The following CSMD1 variants were observed in gnomAD, a reference collection of about 807,000 sequenced individuals.
The protein encoded by CSMD1 is CUB and Sushi multiple domains 1.
A neutral mutation model predicts 417.5 loss-of-function variants in CSMD1; 213 were observed. The ratio of observed to expected loss-of-function variants is 0.51; its 90% confidence interval spans 0.46 to 0.57. CSMD1 has a LOEUF of 0.57. CSMD1 is among the 20% of genes least tolerant of loss of function. CSMD1 has a pLI of 0.00. For missense variants in CSMD1, 6,923 were observed against 4,529.7 expected (o/e 1.53, Z -15.17); for synonymous variants, 2,862 against 1,736.8 (o/e 1.65, Z -16.11).
chr8:4,713,137 C>G (rs1185826081), intron 1 of CSMD1, among the ~76,000 whole-genome samples: 1 of 152,164 alleles, frequency 6.6e-6, no homozygotes, highest in Admixed American at 6.5e-5. Flanking sequence ...CCACTAGGAC[C>G]TCTATTAAAA....
intron 10 of CSMD1, among the ~76,000 whole-genome samples, chr8:3,531,513 AAAG>A (rs570628185): frequency 1.1e-3 from 162 of 152,336 alleles, no homozygotes; most frequent in Non-Finnish European, 1.9e-3. Flanking sequence ...AGGGTAGCAT[AAAG>A]AAGAAGGCAG....
At chr8:4,383,003 A>G (rs1803203699) in intron 3 of CSMD1, among the ~76,000 whole-genome samples, 1 of 152,212 alleles carries the variant, frequency 6.6e-6, no homozygotes, top group African/African-American at 2.4e-5. Context: ...TCTGTATATC[A>G]GCGCCTTCAG....
At chr8:4,617,589 T>G (rs1292009359) in intron 2 of CSMD1, among the ~76,000 whole-genome samples, 1 of 152,152 alleles carries the variant, frequency 6.6e-6, no homozygotes, top group Non-Finnish European at 1.5e-5. Context: ...TGAGCAATAT[T>G]TTAGAAGCAC....
intron 45 of CSMD1, 100 bp downstream of exon 45, chr8:3,107,618 C>G (rs575911634): frequency 1.4e-5 from 10 of 712,772 alleles, no homozygotes; most frequent in Admixed American, 1.3e-4. Context: ...GTTTCTCTGA[C>G]AAATTACTCA....
At chr8:3,580,462 G>A (rs1335482257) in intron 9 of CSMD1, among the ~76,000 whole-genome samples, 2 of 152,154 alleles carry the variant, frequency 1.3e-5, no homozygotes, top group African/African-American at 4.8e-5. Context: ...AACACCCCTG[G>A]CAAGCTCTAG....
At chr8:3,207,841 T>C (rs1585658053) in intron 30 of CSMD1, among the ~76,000 whole-genome samples, 2 of 152,174 alleles carry the variant, frequency 1.3e-5, no homozygotes, top group African/African-American at 2.4e-5. Flanking sequence ...AACACTTCTA[T>C]TTAGGTTTTT....
intron 10 of CSMD1, among the ~76,000 whole-genome samples, chr8:3,500,037 G>C (rs1331903208): frequency 6.6e-6 from 1 of 152,044 alleles, no homozygotes; most frequent in South Asian, 2.1e-4. Context: ...AGGCATCTGG[G>C]GTGGGAGTGT....
chr8:3,259,403 A>T (rs1459005205), intron 26 of CSMD1, among the ~76,000 whole-genome samples: 1 of 149,032 alleles, frequency 6.7e-6, no homozygotes, highest in Non-Finnish European at 1.5e-5. Context: ...ACACTCAGTA[A>T]TCCTGATGGC....
chr8:3,862,905 T>A (rs747832864), intron 5 of CSMD1, among the ~76,000 whole-genome samples: 1 of 152,198 alleles, frequency 6.6e-6, no homozygotes, highest in Non-Finnish European at 1.5e-5. Flanking sequence ...CCAGGACCTA[T>A]AGCAAATTAC....
At chr8:4,377,154 A>C (rs985495094) in intron 3 of CSMD1, among the ~76,000 whole-genome samples, 1 of 152,134 alleles carries the variant, frequency 6.6e-6, no homozygotes, top group African/African-American at 2.4e-5. Context: ...TATGTGTTTT[A>C]AACAGTGGGA....
chr8:4,811,292 C>T (rs1484303674), intron 1 of CSMD1, among the ~76,000 whole-genome samples: 1 of 152,022 alleles, frequency 6.6e-6, no homozygotes, highest in Non-Finnish European at 1.5e-5. Flanking sequence ...AATGTCAAAC[C>T]TAGTATTAAT....
At chr8:3,733,664 C>T (rs151040176) in intron 6 of CSMD1, among the ~76,000 whole-genome samples, 25 of 152,034 alleles carry the variant, frequency 1.6e-4, no homozygotes, top group African/African-American at 5.6e-4. Context: ...CTGTTTGCAC[C>T]GCCTGCCTGG....
intron 1 of CSMD1, among the ~76,000 whole-genome samples, chr8:4,759,888 T>C (rs1170639946): frequency 6.6e-6 from 1 of 152,240 alleles, no homozygotes; most frequent in Non-Finnish European, 1.5e-5. Flanking sequence ...TGCATGTGTA[T>C]TTATAATAGC....
rs773083517 is a variant in CSMD1, at chr8:4,680,394, C to A, written c.86-42836G>T. Among the ~76,000 whole-genome samples the A allele has an allele frequency of 5.9e-5, 9 of 152,184 alleles. No homozygotes were observed. In the South Asian group the frequency reaches 1.7e-3, roughly 28 times the overall value. On this transcript the variant is annotated intron_variant, in intron 1 of 69. Transcript: ENST00000635120. Reference sequence around the variant, plus strand: ...AATGTTACTGTTCAATACAAGTGCACTTTCTGGTGAATTTCCTTCACCCTT... The same window carrying A: ...AATGTTACTGTTCAATACAAGTGCAATTTCTGGTGAATTTCCTTCACCCTT...
chr8:4,082,984 T>C (rs1031709646), intron 3 of CSMD1, among the ~76,000 whole-genome samples: 1 of 152,062 alleles, frequency 6.6e-6, no homozygotes, highest in Non-Finnish European at 1.5e-5. Context: ...ATGGTGTATA[T>C]GTGCCACATT....
chr8:4,208,410 G>C (rs1379042410), intron 3 of CSMD1, among the ~76,000 whole-genome samples: 2 of 152,114 alleles, frequency 1.3e-5, no homozygotes, highest in Non-Finnish European at 2.9e-5. Flanking sequence ...TAATTACCAT[G>C]TTATGAAAAC....
chr8:4,323,011 A>C lies in CSMD1; in HGVS notation c.415+96942T>G, dbSNP rs189433140. ...AAAAACTACACTAAAATATAAAATA[A>C]AATAAAATGCAGCAGGAATCTGAGA... On this transcript the variant is annotated intron_variant, in intron 3 of 69. Coordinates refer to ENST00000635120, the MANE Select transcript of CSMD1 (RefSeq NM_033225.6). Among the ~76,000 whole-genome samples the C allele has an allele frequency of 3.9e-5, 6 of 152,342 alleles. No homozygotes were observed. The East Asian group carries it at 1.2e-3, about 29-fold the overall frequency.
intron 2 of CSMD1, among the ~76,000 whole-genome samples, chr8:4,636,446 A>T (rs1369192406): frequency 1.3e-5 from 2 of 152,190 alleles, no homozygotes; most frequent in Non-Finnish European, 1.5e-5. Flanking sequence ...CAAAGAATGC[A>T]ATAGCCCTGA....
intron 3 of CSMD1, among the ~76,000 whole-genome samples, chr8:4,145,981 G>T (rs34627774): frequency 0.099 from 14,866 of 150,890 alleles, 1,000 homozygotes; most frequent in South Asian, 0.21. Context: ...TGTAGACAGG[G>T]TGCAAATTTT....
Sources: gnomAD v4.1 joint callset for allele counts (sites outside exome capture counted in the v4.1 genomes callset) on GRCh38, gnomAD v4.1.1 for gene constraint, MANE v1.5 for transcripts, NCBI Gene and HGNC (gene_info 2026-07-23, HGNC 2026-07-21) for gene names.